PCDH15: variants seen among roughly 807,000 people sequenced by gnomAD.
PCDH15 encodes protocadherin related 15.
A neutral mutation model predicts 178.5 loss-of-function variants in PCDH15; 129 were observed. That is an observed-to-expected ratio of 0.72 (90% CI 0.63 to 0.84). PCDH15 has a LOEUF of 0.84. Ranked by LOEUF, PCDH15 falls within the 40% of genes least tolerant of loss-of-function variation. The pLI is 0.00. For missense variants in PCDH15, 2,230 were observed against 2,099.9 expected (o/e 1.06, Z -1.21); for synonymous variants, 800 against 732.0 (o/e 1.09, Z -1.50).
At chr10:55,118,596 A>G (rs1276476910) in intron 2 of PCDH15, among the ~76,000 whole-genome samples, 1 of 152,226 alleles carries the variant, frequency 6.6e-6, no homozygotes, top group Non-Finnish European at 1.5e-5. Context: ...TTTCAATGCA[A>G]GAAGAGGTTG....
rs191988914 is a variant in PCDH15 at position 55,335,876 on chromosome 10, A to G, written c.-155-169225T>C. ...TAAGTATCATTTGAGAAGCTTGTTT[A>G]AAAAGCAGACGCCTTAGTCTTTAGA... is the stretch of plus-strand genomic sequence containing the variant. On this transcript the variant is annotated intron_variant, in intron 2 of 5. Coordinates refer to the PCDH15 transcript ENST00000613346. Among the ~76,000 whole-genome samples the G allele has an allele frequency of 2.4e-4, 37 of 152,278 alleles. 1 individual carries two copies. The East Asian group carries it at 7.1e-3, about 29-fold the overall frequency.
Position 53,910,787 on chromosome 10 carries a change from T to C in PCDH15, c.3374-7417A>G, listed in dbSNP as rs553081334. Among the ~76,000 whole-genome samples, 5 of 152,132 alleles carry C rather than the reference T, an allele frequency of 3.3e-5. No homozygotes were observed. The South Asian group carries it at 1.0e-3, about 32-fold the overall frequency. On this transcript the variant is annotated intron_variant, in intron 25 of 37. Coordinates refer to ENST00000644397, the MANE Select transcript of PCDH15 (RefSeq NM_001384140.1). ...CTTAAAAAAAGATTAGACGAATGGC[T>C]AACTAGAATAAACAGTGTAGAGAAG...
chr10:54,833,934 G>T (rs1410774582), intron 3 of PCDH15, among the ~76,000 whole-genome samples: 1 of 152,002 alleles, frequency 6.6e-6, no homozygotes, highest in Non-Finnish European at 1.5e-5. Flanking sequence ...TATGAATGAG[G>T]ACTAAAATAT....
intron 3 of PCDH15, among the ~76,000 whole-genome samples, chr10:54,845,031 G>T (rs1339169607): frequency 2.6e-5 from 4 of 151,722 alleles, no homozygotes; most frequent in African/African-American, 4.8e-5. Flanking sequence ...TTGAAATTAA[G>T]ATTTATAATT....
At chr10:54,604,493 T>C (rs114197582) in intron 2 of PCDH15, among the ~76,000 whole-genome samples, 1,925 of 152,172 alleles carry the variant, frequency 0.013, 43 homozygotes, top group African/African-American at 0.044. Context: ...ATCTTCCTAT[T>C]GAATTAACCT....
At chr10:55,401,561 C>A (rs1838068040) in intron 2 of PCDH15, among the ~76,000 whole-genome samples, 1 of 149,666 alleles carries the variant, frequency 6.7e-6, no homozygotes, top group Admixed American at 6.7e-5. Flanking sequence ...ACGGACATGA[C>A]TTACCACTTC....
At chr10:55,622,175 A>G (rs1168388225) in intron 2 of PCDH15, among the ~76,000 whole-genome samples, 1 of 121,072 alleles carries the variant, frequency 8.3e-6, no homozygotes, top group Admixed American at 9.7e-5. Flanking sequence ...TATATATATT[A>G]TATATATATA....
At chr10:55,036,154 T>G (rs1840729256) in intron 2 of PCDH15, among the ~76,000 whole-genome samples, 1 of 152,158 alleles carries the variant, frequency 6.6e-6, no homozygotes, top group Admixed American at 6.6e-5. Context: ...TTCAGTCTCT[T>G]GCTGTATATC....
intron 3 of PCDH15, among the ~76,000 whole-genome samples, chr10:54,379,843 G>C (rs955723983): frequency 3.3e-5 from 5 of 151,990 alleles, no homozygotes; most frequent in Non-Finnish European, 7.4e-5. Context: ...GGCTATGCAA[G>C]TAAAATGTAG....
intron 2 of PCDH15, among the ~76,000 whole-genome samples, chr10:55,494,473 C>A (rs1481279591): frequency 6.6e-6 from 1 of 151,504 alleles, no homozygotes; most frequent in Non-Finnish European, 1.5e-5. Flanking sequence ...TTTACATCTG[C>A]CATTTTGCTT....
chr10:55,078,783 A>AC (rs952440786), intron 2 of PCDH15, among the ~76,000 whole-genome samples: 2 of 150,140 alleles, frequency 1.3e-5, no homozygotes, highest in African/African-American at 4.9e-5. Context: ...CCCTTCCCAA[A>AC]CCCCCCGTGG....
chr10:53,966,938 T>C (rs1160614403), intron 21 of PCDH15, among the ~76,000 whole-genome samples: 4 of 152,026 alleles, frequency 2.6e-5, no homozygotes, highest in African/African-American at 7.2e-5. Flanking sequence ...GGATCTTGTG[T>C]TGTCACCCAG....
At chr10:54,153,958 T>C (rs2044828561) in intron 13 of PCDH15, among the ~76,000 whole-genome samples, 1 of 152,158 alleles carries the variant, frequency 6.6e-6, no homozygotes, top group African/African-American at 2.4e-5. Flanking sequence ...GAAATGTTTC[T>C]TTGGGGAAAG....
intron 1 of PCDH15, among the ~76,000 whole-genome samples, chr10:54,745,380 A>AG (rs1945320486): frequency 7.0e-6 from 1 of 143,610 alleles, no homozygotes; most frequent in Admixed American, 7.7e-5. Flanking sequence ...ACAGAAAAAA[A>AG]AACATGAAAG....
chr10:54,350,520 A>G (rs1943999415), intron 5 of PCDH15, among the ~76,000 whole-genome samples: 1 of 152,218 alleles, frequency 6.6e-6, no homozygotes, highest in Admixed American at 6.5e-5. Flanking sequence ...CTGTTCACAT[A>G]TGAGATAGGG....
chr10:54,293,687 C>T (rs1205538270), intron 8 of PCDH15, among the ~76,000 whole-genome samples: 3 of 152,152 alleles, frequency 2.0e-5, no homozygotes, highest in Non-Finnish European at 4.4e-5. Flanking sequence ...CAAAAGAAGA[C>T]ATTTATGCAG....
chr10:53,824,011 C>T (rs984971794), intron 32 of PCDH15, among the ~76,000 whole-genome samples: 3 of 152,012 alleles, frequency 2.0e-5, no homozygotes, highest in Non-Finnish European at 4.4e-5. Context: ...AAACCTTATA[C>T]ATAATACCAA....
chr10:54,075,525 T>C (rs1362304655), intron 17 of PCDH15, among the ~76,000 whole-genome samples: 2 of 152,200 alleles, frequency 1.3e-5, no homozygotes, highest in Non-Finnish European at 2.9e-5. Flanking sequence ...ACTTGTCTAT[T>C]TTTTGTTGTT....
At chr10:55,561,606 T>C (rs1002989964) in intron 2 of PCDH15, among the ~76,000 whole-genome samples, 1 of 151,902 alleles carries the variant, frequency 6.6e-6, no homozygotes, top group Non-Finnish European at 1.5e-5. Context: ...ATCCACTTAG[T>C]ACATAAATAG....
Sources: gnomAD v4.1 joint callset for allele counts (sites outside exome capture counted in the v4.1 genomes callset) on GRCh38, gnomAD v4.1.1 for gene constraint, MANE v1.5 for transcripts, NCBI Gene and HGNC (gene_info 2026-07-23, HGNC 2026-07-21) for gene names.